Variants in TEKT5 observed in about 807,000 individuals in gnomAD.
The protein encoded by TEKT5 is tektin 5, also known as tektin-5.
TEKT5 carries 52 observed loss-of-function variants against 48.7 expected under a neutral mutation model. The ratio of observed to expected loss-of-function variants is 1.07; its 90% CI spans 0.86 to 1.35. TEKT5 has a LOEUF of 1.35. TEKT5 is among the 40% of genes most tolerant of loss of function. The pLI, the probability that TEKT5 is intolerant of heterozygous loss-of-function variation, is 0.00. For synonymous variants in TEKT5, 318 were observed against 267.6 expected (o/e 1.19, Z -1.84); for missense variants, 831 against 641.6 (o/e 1.30, Z -3.19).
Position 10,689,283 on chromosome 16 carries a change from T to G in TEKT5, c.689A>C (p.Lys230Thr), listed in dbSNP as rs776133960. Reference protein sequence around the residue: ...LLKCCQEQMRKLAQRIDIQMR... With the variant: ...LLKCCQEQMRTLAQRIDIQMR... ...CTGGATATCAATTCTTTGAGCTAAT[T>G]TTCTCATCTGTTCTTGGCAACATTT... The change falls in exon 3 of 7, where the codon AAA becomes ACA. Residue 230 changes from lysine to threonine, a missense_variant. Lys to Thr is a moderately conservative substitution (Grantham distance 78, BLOSUM62 -1). Coordinates refer to ENST00000283025, the MANE Select transcript of TEKT5 (RefSeq NM_144674.2). 2.5e-6 allele frequency: 4 copies of G among 1,612,610 alleles called. No individual in the cohort carries two copies. Among genetic ancestry groups the G allele is most frequent in the Non-Finnish European group, 3.4e-6 (4 of 1,179,726 alleles).
intron 5 of TEKT5, among the ~76,000 whole-genome samples, chr16:10,642,809 A>G (rs866311421): frequency 2.6e-5 from 4 of 152,158 alleles, no homozygotes; most frequent in Non-Finnish European, 5.9e-5. Context: ...AAACAGTAGA[A>G]CAGAGGATAC....
chr16:10,666,576 C>A (rs959849269), intron 5 of TEKT5, among the ~76,000 whole-genome samples: 4 of 152,196 alleles, frequency 2.6e-5, no homozygotes. Context: ...AGCTGACAAC[C>A]ACTACAGTGA....
At chr16:10,661,790 G>A (rs1043216262) in intron 5 of TEKT5, among the ~76,000 whole-genome samples, 2 of 152,116 alleles carry the variant, frequency 1.3e-5, no homozygotes, top group Admixed American at 1.3e-4. Flanking sequence ...TGCCAAGCAT[G>A]TGGCCTTGGC....
intron 5 of TEKT5, among the ~76,000 whole-genome samples, chr16:10,665,375 T>C (rs1898440631): frequency 6.6e-6 from 1 of 152,220 alleles, no homozygotes. Context: ...TGATTGGCTG[T>C]CACCATTTGA....
At chr16:10,673,981 T>C (rs370323191) in intron 5 of TEKT5, among the ~76,000 whole-genome samples, 11 of 152,208 alleles carry the variant, frequency 7.2e-5, no homozygotes, top group Middle Eastern at 3.4e-3. Flanking sequence ...TCTGCGTCCC[T>C]TCTGCCACGC....
chr16:10,662,281 T>A (rs1898386718), intron 5 of TEKT5, among the ~76,000 whole-genome samples: 1 of 152,188 alleles, frequency 6.6e-6, no homozygotes. Context: ...CAAAATCACC[T>A]TGTTTGAGAA....
At chr16:10,631,127 G>A (rs1269861063) in intron 6 of TEKT5, among the ~76,000 whole-genome samples, 1 of 150,600 alleles carries the variant, frequency 6.6e-6, no homozygotes, top group East Asian at 1.9e-4. Flanking sequence ...GTGGTGGCAG[G>A]TGCCTGTAAT....
At chr16:10,650,294 T>G (rs1265617409) in intron 5 of TEKT5, among the ~76,000 whole-genome samples, 2 of 151,732 alleles carry the variant, frequency 1.3e-5, no homozygotes, top group Non-Finnish European at 2.9e-5. Context: ...GGAGACAGGG[T>G]TTCACCATGT....
intron 1 of TEKT5, among the ~76,000 whole-genome samples, chr16:10,693,596 G>T (rs1899019932): frequency 1.3e-5 from 2 of 152,164 alleles, no homozygotes; most frequent in Admixed American, 1.3e-4. Flanking sequence ...TGACAAAGCA[G>T]GCAAAAATCT....
chr16:10,673,199 GT>G (rs1157898344), intron 5 of TEKT5, among the ~76,000 whole-genome samples: 22 of 152,180 alleles, frequency 1.4e-4, no homozygotes, highest in African/African-American at 5.3e-4. Flanking sequence ...AAACCGTGGA[GT>G]TTAGGAAGGA....
intron 5 of TEKT5, among the ~76,000 whole-genome samples, chr16:10,643,584 G>A: frequency 6.6e-6 from 1 of 152,134 alleles, no homozygotes; most frequent in East Asian, 1.9e-4. Context: ...ATTGAGATGA[G>A]CCGTAAGTAA....
chr16:10,642,588 A>G (rs149846037), intron 5 of TEKT5, among the ~76,000 whole-genome samples: 249 of 152,102 alleles, frequency 1.6e-3, no homozygotes, highest in African/African-American at 5.7e-3. Flanking sequence ...CTTGGGAACT[A>G]TCTTTCTGAT....
At chr16:10,647,588 G>A (rs775453709) in intron 5 of TEKT5, among the ~76,000 whole-genome samples, 1 of 152,078 alleles carries the variant, frequency 6.6e-6, no homozygotes, top group Non-Finnish European at 1.5e-5. Flanking sequence ...CTGTTGCTAG[G>A]GAAATCTAGA....
intron 5 of TEKT5, among the ~76,000 whole-genome samples, chr16:10,645,461 G>A (rs1189896135): frequency 7.2e-5 from 11 of 152,086 alleles, no homozygotes; most frequent in Admixed American, 2.6e-4. Flanking sequence ...GCAGTGAGCC[G>A]TGATGCACCA....
intron 5 of TEKT5, among the ~76,000 whole-genome samples, chr16:10,654,016 ATG>A (rs753125702): frequency 1.4e-4 from 19 of 135,994 alleles, no homozygotes; most frequent in South Asian, 4.6e-4. Flanking sequence ...GTGTGTGTGC[ATG>A]TGTGTGTGTG....
At chr16:10,669,629 G>T (rs1019221692) in intron 5 of TEKT5, among the ~76,000 whole-genome samples, 2 of 152,068 alleles carry the variant, frequency 1.3e-5, no homozygotes, top group African/African-American at 4.8e-5. Context: ...ACCTGCCAGG[G>T]TCTAGTTCCC....
At chr16:10,670,386 G>A (rs1162607703) in intron 5 of TEKT5, among the ~76,000 whole-genome samples, 3 of 152,066 alleles carry the variant, frequency 2.0e-5, no homozygotes, top group African/African-American at 7.2e-5. Flanking sequence ...AATTAGCCGA[G>A]CATGGTGGCA....
intron 5 of TEKT5, among the ~76,000 whole-genome samples, chr16:10,657,877 G>A (rs908738799): frequency 6.6e-6 from 1 of 151,706 alleles, no homozygotes; most frequent in East Asian, 1.9e-4. Context: ...CGGGATTACA[G>A]GCGTGAACCA....
chr16:10,674,505 C>A (rs79225660), intron 5 of TEKT5, among the ~76,000 whole-genome samples: 1 of 150,604 alleles, frequency 6.6e-6, no homozygotes, highest in Non-Finnish European at 1.5e-5. Context: ...TGTGGTGGCA[C>A]GCACACGTAG....
Sources: gnomAD v4.1 joint callset for allele counts (sites outside exome capture counted in the v4.1 genomes callset) on GRCh38, gnomAD v4.1.1 for gene constraint, MANE v1.5 for transcripts, NCBI Gene and HGNC (gene_info 2026-07-23, HGNC 2026-07-21) for gene names.